Variants in NFIB observed in about 807,000 individuals in gnomAD.
The protein encoded by NFIB is nuclear factor I B.
In NFIB, 11 loss-of-function variants were observed where a neutral mutation model predicts 61.5. The observed-to-expected ratio is 0.18, with a 90% confidence interval of 0.11 to 0.30. The LOEUF is 0.30. Ranked by LOEUF, NFIB falls within the 10% of genes least tolerant of loss-of-function variation. The probability of loss-of-function intolerance (pLI) is 1.00; values close to 1 mark genes in which losing one functional copy is unlikely to be tolerated. For missense variants in NFIB, 471 were observed against 608.9 expected (o/e 0.77, Z 2.38); for synonymous variants, 260 against 216.5 (o/e 1.20, Z -1.76).
At chr9:14,281,904 T>C (rs538430760) in intron 2 of NFIB, among the ~76,000 whole-genome samples, 1 of 152,282 alleles carries the variant, frequency 6.6e-6, no homozygotes, top group South Asian at 2.1e-4. Flanking sequence ...ATCCCATATT[T>C]ATAAATGCCC....
At chr9:14,175,017 A>AAT (rs2046004664) in intron 3 of NFIB, among the ~76,000 whole-genome samples, 1 of 152,108 alleles carries the variant, frequency 6.6e-6, no homozygotes, top group Non-Finnish European at 1.5e-5. Flanking sequence ...AATGACAATG[A>AAT]ATACTGAAGA....
the NFIB span, among the ~76,000 whole-genome samples, chr9:14,424,260 T>C: frequency 2.6e-3 from 397 of 152,188 alleles, 6 homozygotes; most frequent in Non-Finnish European, 6.9e-4. Flanking sequence ...GAAGAAGAAA[T>C]GTAGTGATGG....
At chr9:14,254,311 A>G (rs560889019) in intron 2 of NFIB, among the ~76,000 whole-genome samples, 2 of 151,990 alleles carry the variant, frequency 1.3e-5, no homozygotes, top group South Asian at 4.1e-4. Context: ...AAAAAACAAA[A>G]CAAAACAAAA....
intron 2 of NFIB, among the ~76,000 whole-genome samples, chr9:14,278,670 G>A (rs940770607): frequency 6.6e-6 from 1 of 152,130 alleles, no homozygotes; most frequent in African/African-American, 2.4e-5. Context: ...TCATTACTAA[G>A]GTATAATGTT....
chr9:14,326,809 A>T (rs1385589721), intron 1 of NFIB, among the ~76,000 whole-genome samples: 2 of 151,270 alleles, frequency 1.3e-5, no homozygotes, highest in African/African-American at 4.9e-5. Context: ...AATAATGTTT[A>T]TTGCAATTGT....
At chr9:14,495,145 G>A in the NFIB span, among the ~76,000 whole-genome samples, 62 of 152,260 alleles carry the variant, frequency 4.1e-4, no homozygotes, top group Middle Eastern at 6.8e-3. Context: ...CAGCGTTCCT[G>A]TTTACATCCC....
At chr9:14,435,994 C>A in the NFIB span, among the ~76,000 whole-genome samples, 1 of 152,220 alleles carries the variant, frequency 6.6e-6, no homozygotes, top group East Asian at 1.9e-4. Context: ...TGACAATGTG[C>A]AAATCTTAGT....
chr9:14,175,108 A>C (rs536531600), intron 3 of NFIB, among the ~76,000 whole-genome samples: 56 of 151,186 alleles, frequency 3.7e-4, no homozygotes, highest in Non-Finnish European at 6.8e-4. Context: ...TGATTTCAGT[A>C]TCTATAAAAT....
chr9:14,348,097 C>T (rs2061055847), intron 1 of NFIB, among the ~76,000 whole-genome samples: 1 of 152,198 alleles, frequency 6.6e-6, no homozygotes, highest in Admixed American at 6.5e-5. Context: ...CCAAGTTCTC[C>T]CTGCACCCTG....
intron 10 of NFIB, among the ~76,000 whole-genome samples, chr9:14,099,016 C>T (rs1361738666): frequency 1.3e-5 from 2 of 152,124 alleles, no homozygotes; most frequent in African/African-American, 4.8e-5. Flanking sequence ...TTGGCACTGC[C>T]ATTTTCAGTT....
upstream of NFIB, among the ~76,000 whole-genome samples, chr9:14,403,735 C>A (rs543257569): frequency 6.6e-6 from 1 of 152,264 alleles, no homozygotes; most frequent in South Asian, 2.1e-4. Context: ...AGTCGGTTGT[C>A]TTTTAAAATA....
intron 1 of NFIB, among the ~76,000 whole-genome samples, chr9:14,335,200 T>C (rs1588325687): frequency 6.6e-6 from 1 of 152,236 alleles, no homozygotes; most frequent in Non-Finnish European, 1.5e-5. Flanking sequence ...TATCTAGCAA[T>C]GGAATGTCTG....
chr9:14,156,018 G>A, intron 3 of NFIB, 125 bp from the exon 4 acceptor site: 3 of 493,404 alleles, frequency 6.1e-6, no homozygotes, highest in East Asian at 3.6e-5. Context: ...CTTACAATAA[G>A]GACTTTAAAA....
chr9:14,523,724 C>T, the NFIB span, among the ~76,000 whole-genome samples: 1 of 152,242 alleles, frequency 6.6e-6, no homozygotes, highest in East Asian at 1.9e-4. Flanking sequence ...GACCCCTGAA[C>T]GATCTCAGTC....
At position 14,120,491 on chromosome 9, in the gene NFIB, A is replaced by T. The variant is rs758852901; in HGVS notation, c.1194T>A (p.Thr398=). 11 of 1,614,006 alleles carry T rather than the reference A, an allele frequency of 6.8e-6. No individual in the cohort carries two copies. In the South Asian group the frequency reaches 8.8e-5, roughly 13 times the overall value. ...RYPPHLNPQD[T]LKNYVPSYDP... ...CATAAGAAGGTACATAGTTCTTCAG[A>T]GTATCCTGAGGATTCAGGTGGGGAG... The change falls in exon 8 of 11, where the codon ACT becomes ACA. Residue 398 remains threonine (T), a synonymous_variant. Coordinates refer to ENST00000380953, the MANE Select transcript of NFIB (RefSeq NM_001190737.2). This position sits in a 1 kb window ranked among gnomAD's most constrained non-coding sequence, Gnocchi z 4.4.
At chr9:14,213,249 GATCTTTGGAAAGTTACTT>G (rs2050499638) in intron 2 of NFIB, among the ~76,000 whole-genome samples, 1 of 152,186 alleles carries the variant, frequency 6.6e-6, no homozygotes, top group African/African-American at 2.4e-5. Context: ...CCAGTAGGTT[GATCTTTGGAAAGTTACTT>G]ATCTTTGGAA....
At chr9:14,330,651 T>G (rs2060809531) in intron 1 of NFIB, among the ~76,000 whole-genome samples, 1 of 152,144 alleles carries the variant, frequency 6.6e-6, no homozygotes, top group African/African-American at 2.4e-5. Context: ...GTACTTGCAG[T>G]GCTTTGTTTT....
chr9:14,278,979 A>G (rs1443829540), intron 2 of NFIB, among the ~76,000 whole-genome samples: 1 of 152,210 alleles, frequency 6.6e-6, no homozygotes, highest in Non-Finnish European at 1.5e-5. Context: ...TATCTATAAA[A>G]CAGGTGTTAA....
chr9:14,177,121 T>C (rs1277879030), intron 3 of NFIB, among the ~76,000 whole-genome samples: 2 of 152,210 alleles, frequency 1.3e-5, no homozygotes, highest in Non-Finnish European at 2.9e-5. Flanking sequence ...GATTGTTTCA[T>C]TGCTTGTGGT....
Sources: allele counts gnomAD v4.1 joint callset (sites outside exome capture counted in the v4.1 genomes callset), GRCh38; gene constraint gnomAD v4.1.1; non-coding constraint Gnocchi (gnomAD v3.1); transcripts MANE v1.5; gene names NCBI Gene and HGNC (gene_info 2026-07-23, HGNC 2026-07-21).